Variants in CROCC observed in about 807,000 individuals in gnomAD.
CROCC encodes rootletin.
A neutral mutation model predicts 245.2 loss-of-function variants in CROCC; 180 were observed. The ratio of observed to expected loss-of-function variants is 0.73; its 90% CI spans 0.65 to 0.83. The LOEUF is 0.83. Ranked by LOEUF, CROCC falls within the 40% of genes least tolerant of loss-of-function variation. The probability of loss-of-function intolerance (pLI) is 0.00; values close to 1 mark genes in which losing one functional copy is unlikely to be tolerated. For synonymous variants in CROCC, 1,205 were observed against 1,241.6 expected, an observed-to-expected ratio of 0.97 and a Z score of 0.62; for missense variants, 2,688 against 2,779.4, an observed-to-expected ratio of 0.97 and a Z score of 0.74.
At chr1:16,955,276 T>C (rs2076230943) in intron 23 of CROCC, 36 bp from the exon 24 acceptor site, 3 of 1,593,514 alleles carry the variant, frequency 1.9e-6, no homozygotes, top group Non-Finnish European at 2.6e-6. Context: ...GGGGGGTCCC[T>C]GACCGCTGCC....
Position 16,931,332 on chromosome 1 carries a change from C to T in CROCC, c.891C>T (p.Leu297=), listed in dbSNP as rs751641395. 11 of 1,612,714 alleles carry T rather than the reference C, an allele frequency of 6.8e-6. No homozygotes were observed. The highest frequency in any genetic ancestry group is 1.3e-5 in the African/African-American group (1 of 74,946). Residue 297 remains leucine (L), a synonymous_variant, in exon 8 of 37, where the codon CTC becomes CTT. Coordinates refer to ENST00000375541, the MANE Select transcript of CROCC (RefSeq NM_014675.5). ...AYFSNEHSRL[L]LLWRQVVGFR... ...TCAGCAACGAGCACAGTCGCCTGCTCCTCCTCTGGAGGCAGGTGGTGGGGT... is the reference window on the plus strand; with the variant it reads ...TCAGCAACGAGCACAGTCGCCTGCTTCTCCTCTGGAGGCAGGTGGTGGGGT...
rs779048538 is a variant in CROCC at position 16,954,728 on chromosome 1, T to C, written c.3322-6T>C. On this transcript the variant is annotated splice_polypyrimidine_tract_variant and splice_region_variant and intron_variant, in intron 22 of 36. Coordinates refer to ENST00000375541, the MANE Select transcript of CROCC (RefSeq NM_014675.5). The surrounding 1 kb of genome is among the most constrained non-coding windows in gnomAD (Gnocchi z 4.4). ...GGACCAAGTCTGAGGAGCCCCTCTG[T>C]CCCAGAGCACCGTGAACGCTCTGAC... 3.2e-6 allele frequency: 5 copies of C among 1,549,506 alleles called. No individual in the cohort carries two copies. In the South Asian group the frequency reaches 5.9e-5, roughly 18 times the overall value.
intron 27 of CROCC, among the ~76,000 whole-genome samples, chr1:16,964,161 GTCTC>G (rs954626908): frequency 1.4e-5 from 2 of 144,302 alleles, no homozygotes; most frequent in Admixed American, 1.4e-4. Flanking sequence ...TTGAGACAGA[GTCTC>G]TCTCTGTTGC....
At position 16,971,624 on chromosome 1, in the gene CROCC, AG is replaced by A; in HGVS notation, c.5947del (p.Val1983CysfsTer11). 6.6e-7 allele frequency: 1 copy of A among 1,510,348 alleles called. No individual in the cohort carries two copies. The highest frequency in any genetic ancestry group is 8.9e-7 in the Non-Finnish European group (1 of 1,128,510). The allele number at this position is 1,510,348 out of a possible 1,614,324, so 93.6% of individuals were successfully genotyped here. A position where few individuals can be genotyped will look rare whatever the true frequency, so the allele number is the denominator to read the frequency against. On this transcript the variant is annotated frameshift_variant, in exon 36 of 37. Transcript: ENST00000375541. LOFTEE classifies it high-confidence loss of function. ...GGCTCGGGAGCGGGCCCACCGCCAG[AG>A]GGTGCGTGGGCTGGAGGAGCAGGTG... Reference protein sequence around the residue: ...LEARERAHRQRVRGLEEQVST... With the variant: ...LEARERAHRQXVRGLEEQVST...
intron 8 of CROCC, among the ~76,000 whole-genome samples, chr1:16,936,062 T>C (rs1373604223): frequency 2.0e-5 from 3 of 151,798 alleles, no homozygotes; most frequent in Non-Finnish European, 4.4e-5. Context: ...TATGTATCCC[T>C]TTTTTTTTCC....
chr1:16,968,422 G>T lies in CROCC; in HGVS notation c.5076+4G>T. The T allele has an allele frequency of 6.8e-7, 1 of 1,472,378 alleles. No individual in the cohort carries two copies. The highest frequency in any genetic ancestry group is 1.4e-5 in the South Asian group (1 of 71,272). The allele number at this position is 1,472,378 out of a possible 1,614,324, so 91.2% of individuals were successfully genotyped here. ...GGTGGATTCCCTGCAGAGACAGGTG[G>T]GCCCCTCCCCAAATCACAGCCACAG... On this transcript the variant is annotated splice_donor_region_variant and intron_variant, in intron 31 of 36. Transcript: ENST00000375541.
At chr1:16,961,227 T>G in intron 27 of CROCC, 97 bp downstream of exon 27, 1 of 1,198,834 alleles carries the variant, frequency 8.3e-7, no homozygotes, top group Non-Finnish European at 1.0e-6. Flanking sequence ...TTGTTTTTGT[T>G]TTTTTTCAAG....
chr1:16,933,431 C>T (rs1308211571), intron 8 of CROCC, among the ~76,000 whole-genome samples: 2 of 152,272 alleles, frequency 1.3e-5, no homozygotes, highest in Non-Finnish European at 1.5e-5. Flanking sequence ...AACACCATTG[C>T]ACTCCAGCCT....
At chr1:16,930,260 G>A in intron 5 of CROCC, 26 bp from the exon 6 acceptor site, 1 of 1,593,652 alleles carries the variant, frequency 6.3e-7, no homozygotes, top group Non-Finnish European at 8.5e-7. Context: ...TGCCCAACCT[G>A]ATGCTTTAAC....
At chr1:16,922,201 T>A in intron 1 of CROCC, 123 bp downstream of exon 1, 1 of 1,045,144 alleles carries the variant, frequency 9.6e-7, no homozygotes, top group Admixed American at 3.1e-5. Flanking sequence ...TGGTGGGGTA[T>A]ACAGGGGCCC....
intron 19 of CROCC, 51 bp from the exon 20 acceptor site, chr1:16,950,902 A>G: frequency 6.9e-7 from 1 of 1,447,146 alleles, no homozygotes; most frequent in Non-Finnish European, 9.1e-7. Context: ...CTGCTGGCCC[A>G]AGGAAAAGTT....
At position 16,936,684 on chromosome 1, in the gene CROCC, T is replaced by C. The variant is rs1379332432; in HGVS notation, c.1004T>C (p.Val335Ala). Residue 335 changes from valine to alanine, a missense_variant, in exon 9 of 37, where the codon GTC becomes GCC. Around this residue, in one of 9 missense-constraint regions of CROCC, gnomAD observed 972 missense variants for 895.3 expected, o/e 1.09. Coordinates refer to ENST00000375541, the MANE Select transcript of CROCC (RefSeq NM_014675.5). ...GGELARTSRA[V>A]QEAGLGLSTG... is the part of the protein sequence containing the mutation. ...GAGCTGGCCCGGACATCACGAGCTG[T>C]CCAGGAGGCGGGCCTGGGACTGAGC... 1 of 1,602,310 alleles carries C rather than the reference T, an allele frequency of 6.2e-7. No individual in the cohort carries two copies. Among genetic ancestry groups the C allele is most frequent in the Non-Finnish European group, 8.5e-7 (1 of 1,175,122 alleles).
At chr1:16,926,089 C>T (rs1458867103) in intron 3 of CROCC, among the ~76,000 whole-genome samples, 1 of 152,282 alleles carries the variant, frequency 6.6e-6, no homozygotes, top group Non-Finnish European at 1.5e-5. Flanking sequence ...GACTGCAGCA[C>T]AGGGGGTCTG....
At chr1:16,946,535 T>G (rs879395192) in intron 16 of CROCC, 130 bp downstream of exon 16, 490 of 1,357,728 alleles carry the variant, frequency 3.6e-4, no homozygotes, top group Non-Finnish European at 4.7e-4. Flanking sequence ...TCTGTCTGTC[T>G]CTGGTTCTCT....
chr1:16,934,390 C>G (rs2075744317), intron 8 of CROCC, among the ~76,000 whole-genome samples: 1 of 152,252 alleles, frequency 6.6e-6, no homozygotes, highest in Non-Finnish European at 1.5e-5. Context: ...GGCTTGACCT[C>G]CCAGGCTCAA....
chr1:16,914,348 G>A (rs1194801650), intron 1 of CROCC, among the ~76,000 whole-genome samples: 5 of 152,194 alleles, frequency 3.3e-5, no homozygotes, highest in African/African-American at 1.2e-4. Flanking sequence ...CATCCTGCCC[G>A]GATTGTCGCG....
intron 30 of CROCC, 115 bp from the exon 31 acceptor site, chr1:16,968,088 A>C: frequency 9.7e-7 from 1 of 1,036,098 alleles, no homozygotes; most frequent in Non-Finnish European, 1.4e-6. Flanking sequence ...GCCCCAGGTC[A>C]CGTAGGTCAC....
intron 3 of CROCC, among the ~76,000 whole-genome samples, chr1:16,927,439 C>T (rs1044055391): frequency 9.2e-5 from 14 of 152,380 alleles, no homozygotes; most frequent in South Asian, 6.2e-4. Flanking sequence ...AGGCACACCC[C>T]CCAGACCCAC....
At chr1:16,920,942 C>T (rs1363753111), upstream of CROCC, among the ~76,000 whole-genome samples, 1 of 152,242 alleles carries the variant, frequency 6.6e-6, no homozygotes, top group African/African-American at 2.4e-5. Flanking sequence ...CGGGGTTTCA[C>T]CATATTGGTC....
Sources: allele counts gnomAD v4.1 joint callset (sites outside exome capture counted in the v4.1 genomes callset), GRCh38; gene constraint gnomAD v4.1.1; regional missense constraint gnomAD v4.1.1; non-coding constraint Gnocchi (gnomAD v3.1); transcripts MANE v1.5; gene names NCBI Gene and HGNC (gene_info 2026-07-23, HGNC 2026-07-21).